Variants in PDE1A observed in about 807,000 individuals in gnomAD.
The protein encoded by PDE1A is dual specificity calcium/calmodulin-dependent 3',5'-cyclic nucleotide phosphodiesterase 1A.
PDE1A carries 35 observed loss-of-function variants against 61.7 expected under a neutral mutation model. That is an observed-to-expected ratio of 0.57 (90% CI 0.43 to 0.75). PDE1A has a LOEUF of 0.75. Among genes scored for constraint, PDE1A ranks in the 30% least tolerant of loss-of-function variants. The pLI, the probability that PDE1A is intolerant of heterozygous loss-of-function variation, is 0.00. For synonymous variants in PDE1A, 232 were observed against 213.2 expected, an observed-to-expected ratio of 1.09 and a Z score of -0.77; for missense variants, 597 against 630.6, an observed-to-expected ratio of 0.95 and a Z score of 0.57.
At chr2:182,421,870 T>A (rs988337127) in intron 1 of PDE1A, among the ~76,000 whole-genome samples, 1 of 152,182 alleles carries the variant, frequency 6.6e-6, no homozygotes, top group Admixed American at 6.6e-5. Context: ...ACCCATTAGG[T>A]CCACAAACAA....
the PDE1A span, among the ~76,000 whole-genome samples, chr2:182,649,682 T>A: frequency 1.3e-5 from 2 of 151,882 alleles, no homozygotes; most frequent in African/African-American, 4.8e-5. Flanking sequence ...GCAATCTCAG[T>A]TCACTGCAAC....
At chr2:182,177,713 CT>C (rs1170124737) in intron 13 of PDE1A, among the ~76,000 whole-genome samples, 2 of 151,642 alleles carry the variant, frequency 1.3e-5, no homozygotes, top group Non-Finnish European at 1.5e-5. Flanking sequence ...CAGCTTTGTT[CT>C]TTCATTTGGA....
the PDE1A span, among the ~76,000 whole-genome samples, chr2:182,539,596 T>C: frequency 6.6e-6 from 1 of 152,228 alleles, no homozygotes; most frequent in African/African-American, 2.4e-5. Context: ...GAAAAAGCTA[T>C]AATTTTATTT....
rs542002977 is a variant in PDE1A, at chr2:182,177,147, C to CT, written c.1516+8744dup. On this transcript the variant is annotated intron_variant, in intron 13 of 13. Coordinates refer to ENST00000351439, the Ensembl canonical transcript of PDE1A. ...ATCAAGGATATTGGTCTAAAATTCT[C>CT]TTTTTTTGTTGTGTCTCTGCCTGGC... Among the ~76,000 whole-genome samples, 1,072 of 150,946 alleles carry CT rather than the reference C, an allele frequency of 7.1e-3. 12 individuals are homozygous for CT. Among genetic ancestry groups the CT allele is most frequent in the African/African-American group, 0.024 (980 of 41,264 alleles).
At chr2:182,189,359 A>C (rs542653051) in intron 10 of PDE1A, among the ~76,000 whole-genome samples, 9 of 152,358 alleles carry the variant, frequency 5.9e-5, no homozygotes, top group Admixed American at 5.9e-4. Flanking sequence ...GAATTTTCCA[A>C]AGTCACCATA....
At chr2:182,390,240 T>C (rs2125383062) in intron 1 of PDE1A, among the ~76,000 whole-genome samples, 1 of 152,050 alleles carries the variant, frequency 6.6e-6, no homozygotes, top group South Asian at 2.1e-4. Flanking sequence ...ATTTCTTTAG[T>C]TGGTTTTGGG....
chr2:182,549,466 A>G, the PDE1A span, among the ~76,000 whole-genome samples: 1 of 152,182 alleles, frequency 6.6e-6, no homozygotes. Context: ...TATTATGCAT[A>G]CAATGTATAG....
At chr2:182,279,275 A>G (rs1574235676) in intron 1 of PDE1A, among the ~76,000 whole-genome samples, 1 of 151,884 alleles carries the variant, frequency 6.6e-6, no homozygotes. Flanking sequence ...GACGAGCACA[A>G]CCTAAATTAT....
the PDE1A span, among the ~76,000 whole-genome samples, chr2:182,665,511 A>G: frequency 2.0e-5 from 3 of 152,350 alleles, no homozygotes; most frequent in East Asian, 1.9e-4. Context: ...CAAAACCACA[A>G]TGAGATACCA....
At chr2:182,701,618 G>T in the PDE1A span, among the ~76,000 whole-genome samples, 1 of 151,974 alleles carries the variant, frequency 6.6e-6, no homozygotes, top group Non-Finnish European at 1.5e-5. Context: ...CCAGCCTCAA[G>T]TGATCCACCC....
chr2:182,690,254 T>C, the PDE1A span, among the ~76,000 whole-genome samples: 4 of 152,208 alleles, frequency 2.6e-5, no homozygotes, highest in Non-Finnish European at 5.9e-5. Context: ...CCAATATCCT[T>C]GATGAACATC....
At chr2:182,403,611 A>AG (rs1574567606) in intron 1 of PDE1A, among the ~76,000 whole-genome samples, 1 of 150,380 alleles carries the variant, frequency 6.6e-6, no homozygotes, top group East Asian at 1.9e-4. Context: ...AAAAAAAAAA[A>AG]AAAGAAAATG....
chr2:182,224,932 A>G (rs995101728), intron 6 of PDE1A, among the ~76,000 whole-genome samples: 4 of 151,866 alleles, frequency 2.6e-5, no homozygotes, highest in African/African-American at 9.7e-5. Flanking sequence ...CGAATGCGGA[A>G]TCCAAAATGC....
At chr2:182,608,689 T>G in the PDE1A span, among the ~76,000 whole-genome samples, 1 of 152,218 alleles carries the variant, frequency 6.6e-6, no homozygotes, top group African/African-American at 2.4e-5. Flanking sequence ...GCTTCCGCCG[T>G]GGACTCCTGC....
chr2:182,492,725 T>C (rs1052751723), intron 2 of PDE1A, among the ~76,000 whole-genome samples: 5 of 152,330 alleles, frequency 3.3e-5, no homozygotes, highest in Non-Finnish European at 7.3e-5. Context: ...TCAACTTTTC[T>C]GTCATGAGCT....
At chr2:182,356,157 A>G (rs1264962310) in intron 1 of PDE1A, among the ~76,000 whole-genome samples, 1 of 152,156 alleles carries the variant, frequency 6.6e-6, no homozygotes, top group Non-Finnish European at 1.5e-5. Flanking sequence ...AAGAAAGAAG[A>G]CTTAAAGTGG....
intron 1 of PDE1A, among the ~76,000 whole-genome samples, chr2:182,372,845 C>T (rs148198873): frequency 6.6e-6 from 1 of 152,304 alleles, no homozygotes; most frequent in Non-Finnish European, 1.5e-5. Context: ...ACCAAGATGA[C>T]TCATAAGACA....
At chr2:182,530,331 ATGCCAGATG>A in the PDE1A span, among the ~76,000 whole-genome samples, 1 of 152,144 alleles carries the variant, frequency 6.6e-6, no homozygotes, top group Non-Finnish European at 1.5e-5. Flanking sequence ...AGATGAAAAG[ATGCCAGATG>A]AAAAGCAGGG....
rs1403284995 is a variant in PDE1A, at chr2:182,197,860, C to A, written c.1125+3579G>T. On this transcript the variant is annotated intron_variant, in intron 10 of 13. Coordinates refer to ENST00000351439, the Ensembl canonical transcript of PDE1A. ...GTGTAAGTCCTCCAACTTCTTTAAT[C>A]TTTTTCAAAATTGTTTTAGCTGCCT... Among the ~76,000 whole-genome samples the A allele has an allele frequency of 5.3e-5, 8 of 151,824 alleles. No individual in the cohort carries two copies. The East Asian group carries it at 1.3e-3, about 26-fold the overall frequency.
Sources: allele counts gnomAD v4.1 joint callset (sites outside exome capture counted in the v4.1 genomes callset), GRCh38; gene constraint gnomAD v4.1.1; transcripts MANE v1.5; gene names NCBI Gene and HGNC (gene_info 2026-07-23, HGNC 2026-07-21).